The following NBEAL2 variants were observed in gnomAD, a reference collection of about 807,000 sequenced individuals.
NBEAL2 encodes neurobeachin-like protein 2.
Under a neutral mutation model 299.8 loss-of-function variants are expected in NBEAL2, and 160 were observed. The observed-to-expected ratio is 0.53, with a 90% CI of 0.47 to 0.61. The LOEUF (loss-of-function observed/expected upper bound fraction) is 0.61. Among genes scored for constraint, NBEAL2 ranks in the 20% least tolerant of loss-of-function variants. The probability of loss-of-function intolerance (pLI) is 0.00; values close to 1 mark genes in which losing one functional copy is unlikely to be tolerated. For missense variants in NBEAL2, 3,112 were observed against 3,649.0 expected, an observed-to-expected ratio of 0.85 and a Z score of 3.79; for synonymous variants, 1,493 against 1,542.3, an observed-to-expected ratio of 0.97 and a Z score of 0.75.
chr3:46,997,840 G>C lies in NBEAL2; in HGVS notation c.2958+146G>C, dbSNP rs543363774. 4.6e-6 allele frequency: 6 copies of C among 1,290,686 alleles called. No homozygotes were observed. The African/African-American group carries it at 9.0e-5, about 19-fold the overall frequency. 80.0% of individuals were successfully genotyped at this position (1,290,686 alleles called of 1,614,324 possible). On this transcript the variant is annotated intron_variant, in intron 20 of 53. Coordinates refer to ENST00000450053, the MANE Select transcript of NBEAL2 (RefSeq NM_015175.3). ...GGGCCTGAAAGGCCGAGCAGGGTTG[G>C]GTCTGGAGGATCTGGGGAAAGGCCC... is the stretch of plus-strand genomic sequence containing the variant.
At position 46,979,930 on chromosome 3, in the gene NBEAL2, C is replaced by G; in HGVS notation, c.51+18C>G. 1 of 371,366 alleles carries G rather than the reference C, an allele frequency of 2.7e-6. No individual in the cohort carries two copies. The highest frequency in any genetic ancestry group is 4.8e-6 in the Non-Finnish European group (1 of 207,708). The allele number at this position is 371,366 out of a possible 1,614,324, so 23.0% of individuals were successfully genotyped here. A position where few individuals can be genotyped will look rare whatever the true frequency, so the allele number is the denominator to read the frequency against. On this transcript the variant is annotated intron_variant, in intron 1 of 53. Coordinates refer to ENST00000450053, the MANE Select transcript of NBEAL2 (RefSeq NM_015175.3). Reference sequence around the variant, plus strand: ...ACGCGCAGGTGAGCCCGCCCCGCCCCGCGCCCGCACCCGCACCCGCGGTGC... The same window carrying G: ...ACGCGCAGGTGAGCCCGCCCCGCCCGGCGCCCGCACCCGCACCCGCGGTGC...
At chr3:47,006,975 C>A in intron 45 of NBEAL2, 91 bp from the exon 46 acceptor site, 2 of 1,082,102 alleles carry the variant, frequency 1.8e-6, no homozygotes, top group Non-Finnish European at 2.6e-6. Flanking sequence ...CCCCTGGGGA[C>A]TGACAGTAAA....
At position 46,995,033 on chromosome 3, in the gene NBEAL2, C is replaced by T; in HGVS notation, c.1298C>T (p.Ala433Val). 6.5e-7 allele frequency: 1 copy of T among 1,540,994 alleles called. No individual in the cohort carries two copies. Among genetic ancestry groups the T allele is most frequent in the Non-Finnish European group, 8.8e-7 (1 of 1,136,286 alleles). The change falls in exon 13 of 54, where the codon GCT becomes GTT. Residue 433 changes from alanine (A) to valine (V), a missense_variant and splice_region_variant. Physicochemically the swap from Ala to Val is moderately conservative, Grantham distance 64 (BLOSUM62 0). Coordinates refer to ENST00000450053, the MANE Select transcript of NBEAL2 (RefSeq NM_015175.3). The stretch of plus-strand genomic sequence containing the variant: ...GACTGTCATTCTCTCCACCCACAGG[C>T]TGTGGAGGGTGACCACAGCATGTGC... ...HRLLQELLNM[A>V]VEGDHSMCPP...
Position 47,004,994 on chromosome 3 carries a change from A to G in NBEAL2, c.6317A>G (p.Tyr2106Cys). 6.2e-7 allele frequency: 1 copy of G among 1,610,350 alleles called. No individual in the cohort carries two copies. Among genetic ancestry groups the G allele is most frequent in the Non-Finnish European group, 8.5e-7 (1 of 1,178,476 alleles). ...YPVFPWVLQD[Y>C]VSPTLDLSNP... is the part of the protein sequence containing the mutation. ...CAGTTCCCCTGGGTCCTGCAGGACTACGTGTCCCCAACCCTGGACCTCAGC... is the reference window on the plus strand; with the variant it reads ...CAGTTCCCCTGGGTCCTGCAGGACTGCGTGTCCCCAACCCTGGACCTCAGC... The change falls in exon 39 of 54, where the codon TAC becomes TGC. Residue 2106 changes from tyrosine (Y) to cysteine (C), a missense_variant. By Grantham distance (194) the Tyr-to-Cys change is radical. This residue lies in a region of NBEAL2 where 521 missense variants were observed against 729.6 expected (regional missense o/e 0.71). Transcript: ENST00000450053. The surrounding 1 kb of genome is among the most constrained non-coding windows in gnomAD (Gnocchi z 5.0).
Position 46,999,304 on chromosome 3 carries a change from C to T in NBEAL2, c.3544-11C>T. ...CCACATGATGACAGTCCTCCGATGA[C>T]CCCCACACAGATCCTGCGCAGACTG... On this transcript the variant is annotated splice_polypyrimidine_tract_variant and intron_variant, in intron 24 of 53. Transcript: ENST00000450053. 6.2e-7 allele frequency: 1 copy of T among 1,602,426 alleles called. No homozygotes were observed. The highest frequency in any genetic ancestry group is 1.1e-5 in the South Asian group (1 of 89,982).
At chr3:46,992,356 C>T (rs2036161406) in intron 9 of NBEAL2, 119 bp from the exon 10 acceptor site, 1 of 935,550 alleles carries the variant, frequency 1.1e-6, no homozygotes. Context: ...CCCTACTCTT[C>T]CCTAGTGCCG....
chr3:46,997,230 C>T (rs775749975), intron 18 of NBEAL2, 29 bp from the exon 19 acceptor site: 17 of 1,610,586 alleles, frequency 1.1e-5, no homozygotes, highest in Admixed American at 6.7e-5. Context: ...GCTGGAAGGT[C>T]CCCCTCACTG....
intron 9 of NBEAL2, 60 bp downstream of exon 9, chr3:46,992,006 A>C (rs1182628957): frequency 7.8e-6 from 11 of 1,409,354 alleles, no homozygotes; most frequent in African/African-American, 1.4e-5. Context: ...GGAGCCACGC[A>C]TAGGTGCCAG....
chr3:46,993,276 G>A (rs1487066996), intron 10 of NBEAL2, among the ~76,000 whole-genome samples: 1 of 152,214 alleles, frequency 6.6e-6, no homozygotes, highest in African/African-American at 2.4e-5. Context: ...CACTTGGGGA[G>A]TCAGGCAAAG....
In NBEAL2 at chr3:46,989,720, G is replaced by T. The variant is rs1366599813; in HGVS notation, c.556+127G>T. On this transcript the variant is annotated intron_variant, in intron 6 of 53. Transcript: ENST00000450053. The surrounding 1 kb of genome is among the most constrained non-coding windows in gnomAD (Gnocchi z 5.5). Reference sequence around the variant, plus strand: ...TGCATGCAGGACTGGGAGAACCAAAGACCAAGCAAGAGTTTAGGGACAGAG... The same window carrying T: ...TGCATGCAGGACTGGGAGAACCAAATACCAAGCAAGAGTTTAGGGACAGAG... 6 of 847,144 alleles carry T rather than the reference G, an allele frequency of 7.1e-6. No homozygotes were observed. The African/African-American group carries it at 8.5e-5, about 12-fold the overall frequency. The allele number at this position is 847,144 out of a possible 1,614,324, so 52.5% of individuals were successfully genotyped here.
In NBEAL2 at chr3:47,009,356, G is replaced by A. The variant is rs2037724869; in HGVS notation, c.*36G>A. The A allele has an allele frequency of 1.3e-6, 2 of 1,550,682 alleles. No individual in the cohort carries two copies. Among genetic ancestry groups the A allele is most frequent in the African/African-American group, 1.4e-5 (1 of 72,978 alleles). ...TCCGGCTGCTCGGGCCCCGCCCCCG[G>A]CAGGCCTGGCCCGGGAGGCCCCGCC... is the stretch of plus-strand genomic sequence containing the variant. On this transcript the variant is annotated 3_prime_UTR_variant, in exon 54 of 54. Transcript: ENST00000450053.
At position 46,989,683 on chromosome 3, in the gene NBEAL2, C is replaced by G. The variant is rs2035947776; in HGVS notation, c.556+90C>G. ...TTGATCCTGCCATACACAGGAACCACTTGGTGGTGGCTGCATGCAGGACTG... is the reference window on the plus strand; with the variant it reads ...TTGATCCTGCCATACACAGGAACCAGTTGGTGGTGGCTGCATGCAGGACTG... On this transcript the variant is annotated intron_variant, in intron 6 of 53. Transcript: ENST00000450053. The surrounding 1 kb of genome is among the most constrained non-coding windows in gnomAD (Gnocchi z 5.5). The G allele has an allele frequency of 1.7e-6, 2 of 1,178,872 alleles. No individual in the cohort carries two copies. The highest frequency in any genetic ancestry group is 2.0e-5 in the Admixed American group (1 of 50,302). 73.0% of individuals were successfully genotyped at this position (1,178,872 alleles called of 1,614,324 possible).
chr3:46,995,876 G>A (rs1179043233), intron 14 of NBEAL2, 30 bp downstream of exon 14: 1 of 1,613,654 alleles, frequency 6.2e-7, no homozygotes, highest in Non-Finnish European at 8.5e-7. Flanking sequence ...ATGTGGCCCA[G>A]TAGAGAGAGG....
In NBEAL2 at chr3:47,003,327, G is replaced by A. The variant is rs1477090817; in HGVS notation, c.5720+18G>A. 2 of 1,609,078 alleles carry A rather than the reference G, an allele frequency of 1.2e-6. No homozygotes were observed. Among genetic ancestry groups the A allele is most frequent in the Admixed American group, 1.7e-5 (1 of 59,496 alleles). On this transcript the variant is annotated intron_variant, in intron 35 of 53. Coordinates refer to ENST00000450053, the MANE Select transcript of NBEAL2 (RefSeq NM_015175.3). The surrounding 1 kb of genome is among the most constrained non-coding windows in gnomAD (Gnocchi z 7.0). ...GAGACCCCGTGAGTGGGGCCCTGGA[G>A]AGATTGGACTGGTGTGGTGGGCAAG...
rs1370973157 is a variant in NBEAL2 at position 46,989,193 on chromosome 3, A to G, written c.351+27A>G. On this transcript the variant is annotated intron_variant, in intron 4 of 53. Coordinates refer to ENST00000450053, the MANE Select transcript of NBEAL2 (RefSeq NM_015175.3). This position sits in a 1 kb window ranked among gnomAD's most constrained non-coding sequence, Gnocchi z 5.5. Reference sequence around the variant, plus strand: ...TGAAGTGGCCTCTACCTTGGGGGGCAGAGGGTGTATGCAGGGAGGCAGGCG... The same window carrying G: ...TGAAGTGGCCTCTACCTTGGGGGGCGGAGGGTGTATGCAGGGAGGCAGGCG... 1 of 1,613,666 alleles carries G rather than the reference A, an allele frequency of 6.2e-7. No individual in the cohort carries two copies. The highest frequency in any genetic ancestry group is 8.5e-7 in the Non-Finnish European group (1 of 1,179,736).
At chr3:46,995,902 G>C (rs764297872) in intron 14 of NBEAL2, 30 bp from the exon 15 acceptor site, 1 of 1,613,204 alleles carries the variant, frequency 6.2e-7, no homozygotes, top group Non-Finnish European at 8.5e-7. Context: ...TGAGTCCCAA[G>C]TATGGCCTAA....
At chr3:46,983,574 C>T (rs1418364226) in intron 1 of NBEAL2, among the ~76,000 whole-genome samples, 4 of 152,148 alleles carry the variant, frequency 2.6e-5, no homozygotes, top group Non-Finnish European at 5.9e-5. Context: ...TCCCAAAGTG[C>T]TGGGATTACA....
rs976508866 is a variant in NBEAL2 at position 47,002,887 on chromosome 3, G to C, written c.5460-70G>C. ...ACCTGGAGCCCCAGACTGCCTTTGG[G>C]GTGAGGCCAGGGAGGGATGGGGGTG... On this transcript the variant is annotated intron_variant, in intron 33 of 53. Transcript: ENST00000450053. 9 of 1,584,348 alleles carry C rather than the reference G, an allele frequency of 5.7e-6. No individual in the cohort carries two copies. In the Admixed American group the frequency reaches 1.5e-4, roughly 27 times the overall value.
Position 46,988,592 on chromosome 3 carries a change from G to A in NBEAL2, c.52-77G>A, listed in dbSNP as rs889291122. The A allele has an allele frequency of 1.6e-6, 2 of 1,288,354 alleles. No individual in the cohort carries two copies. Among genetic ancestry groups the A allele is most frequent in the African/African-American group, 3.0e-5 (2 of 67,292 alleles). 79.8% of individuals were successfully genotyped at this position (1,288,354 alleles called of 1,614,324 possible). A position where few individuals can be genotyped will look rare whatever the true frequency, so the allele number is the denominator to read the frequency against. ...CCACCTCCATTCATTCTTCGCCTCT[G>A]TCTACATCCCCTTGTCCCTGCCCTG... On this transcript the variant is annotated intron_variant, in intron 1 of 53. Transcript: ENST00000450053. The surrounding 1 kb of genome is among the most constrained non-coding windows in gnomAD (Gnocchi z 4.4).
Sources: allele counts gnomAD v4.1 joint callset (sites outside exome capture counted in the v4.1 genomes callset), GRCh38; gene constraint gnomAD v4.1.1; regional missense constraint gnomAD v4.1.1; non-coding constraint Gnocchi (gnomAD v3.1); transcripts MANE v1.5; gene names NCBI Gene and HGNC (gene_info 2026-07-23, HGNC 2026-07-21).